MARCHF8: variants seen among roughly 807,000 people sequenced by gnomAD.
MARCHF8 encodes the protein E3 ubiquitin-protein ligase MARCHF8.
Under a neutral mutation model 51.6 loss-of-function variants are expected in MARCHF8, and 40 were observed. The ratio of observed to expected loss-of-function variants is 0.77; its 90% CI spans 0.60 to 1.01. MARCHF8 has a LOEUF of 1.01. Ranked by LOEUF, MARCHF8 falls within the 50% of genes least tolerant of loss-of-function variation. The probability of loss-of-function intolerance (pLI) is 0.00; values close to 1 mark genes in which losing one functional copy is unlikely to be tolerated. For missense variants in MARCHF8, 685 were observed against 708.6 expected (o/e 0.97, Z 0.38); for synonymous variants, 263 against 280.3 (o/e 0.94, Z 0.62).
chr10:45,575,147 A>T (rs1450210237), intron 1 of MARCHF8, among the ~76,000 whole-genome samples: 1 of 152,172 alleles, frequency 6.6e-6, no homozygotes, highest in Non-Finnish European at 1.5e-5. Context: ...AAGGTAGCTA[A>T]AAAAGCAGCC....
intron 1 of MARCHF8, among the ~76,000 whole-genome samples, chr10:45,540,736 AC>A (rs1295308870): frequency 6.6e-6 from 1 of 152,058 alleles, no homozygotes; most frequent in African/African-American, 2.4e-5. Context: ...AAAACAAACA[AC>A]CCCATCAAAA....
chr10:45,459,546 T>C (rs900135390), intron 6 of MARCHF8, among the ~76,000 whole-genome samples: 1 of 152,232 alleles, frequency 6.6e-6, no homozygotes, highest in Non-Finnish European at 1.5e-5. Flanking sequence ...AGACATAAGA[T>C]GGCCTGATAA....
chr10:45,510,130 C>T (rs1478834180), intron 2 of MARCHF8, among the ~76,000 whole-genome samples: 1 of 152,106 alleles, frequency 6.6e-6, no homozygotes, highest in Non-Finnish European at 1.5e-5. Context: ...ATTCAGCTTA[C>T]AGATGCTTTC....
At chr10:45,554,911 C>T (rs1044670752) in intron 1 of MARCHF8, among the ~76,000 whole-genome samples, 6 of 152,060 alleles carry the variant, frequency 3.9e-5, no homozygotes, top group Admixed American at 1.3e-4. Context: ...AAAAATTAGC[C>T]AGGCGTAGTG....
At chr10:45,540,388 C>T (rs537406559) in intron 1 of MARCHF8, among the ~76,000 whole-genome samples, 10 of 152,222 alleles carry the variant, frequency 6.6e-5, no homozygotes, top group African/African-American at 2.2e-4. Flanking sequence ...ACAGAGCCCT[C>T]AGAAATAATG....
At chr10:45,541,385 A>G (rs929559167) in intron 1 of MARCHF8, among the ~76,000 whole-genome samples, 3 of 152,172 alleles carry the variant, frequency 2.0e-5, no homozygotes, top group Non-Finnish European at 4.4e-5. Context: ...ACACATGGAC[A>G]CAGGAAGCGG....
At position 45,533,296 on chromosome 10, in the gene MARCHF8, G is replaced by C; in HGVS notation, c.-78-7C>G. On this transcript the variant is annotated splice_region_variant and splice_polypyrimidine_tract_variant and intron_variant, in intron 1 of 7. Transcript: ENST00000453424. Reference sequence around the variant, plus strand: ...TTGGGCCATGGATTTCAAGCTGAGAGAAAATGAAGAGAGAATAAACATAAC... The same window carrying C: ...TTGGGCCATGGATTTCAAGCTGAGACAAAATGAAGAGAGAATAAACATAAC... The C allele has an allele frequency of 1.4e-6, 2 of 1,449,376 alleles. No homozygotes were observed. Among genetic ancestry groups the C allele is most frequent in the Non-Finnish European group, 9.1e-7 (1 of 1,099,876 alleles). The allele number at this position is 1,449,376 out of a possible 1,614,324, so 89.8% of individuals were successfully genotyped here. A position where few individuals can be genotyped will look rare whatever the true frequency, so the allele number is the denominator to read the frequency against.
At position 45,533,197 on chromosome 10, in the gene MARCHF8, C is replaced by T; in HGVS notation, c.15G>A (p.Leu5=). 6.2e-7 allele frequency: 1 copy of T among 1,610,566 alleles called. No individual in the cohort carries two copies. The highest frequency in any genetic ancestry group is 8.5e-7 in the Non-Finnish European group (1 of 1,178,494). The part of the protein sequence containing the change: MSMP[L]HQISAIPSQD... ...GGGATGGAATGGCAGAGATCTGATG[C>T]AGTGGCATGCTCATCCCAACCTCTT... The change falls in exon 2 of 8, where the codon CTG becomes CTA. Residue 5 remains leucine (L), a synonymous_variant. Transcript: ENST00000453424.
At position 45,535,214 on chromosome 10, in the gene MARCHF8, G is replaced by A. The variant is rs184358661; in HGVS notation, c.-82C>T. 3 of 152,324 alleles carry A rather than the reference G, an allele frequency of 2.0e-5. No homozygotes were observed. The highest frequency in any genetic ancestry group is 3.9e-4 in the East Asian group (2 of 5,180). The allele number at this position is 152,324 out of a possible 1,614,324, so 9.4% of individuals were successfully genotyped here. ...ACACAAAACAAGAGGCACTTACTGC[G>A]GAGCTGCCTTATACTCCCTGGGAGA... On this transcript the variant is annotated 5_prime_UTR_variant, in exon 1 of 8. Transcript: ENST00000453424.
chr10:45,506,631 A>C (rs183300088), intron 2 of MARCHF8, among the ~76,000 whole-genome samples: 123 of 152,366 alleles, frequency 8.1e-4, no homozygotes, highest in Middle Eastern at 3.4e-3. Context: ...AAGACTGAAT[A>C]TTGAGACATT....
intron 3 of MARCHF8, among the ~76,000 whole-genome samples, chr10:45,473,468 T>C (rs1415305637): frequency 6.6e-6 from 1 of 152,212 alleles, no homozygotes; most frequent in Non-Finnish European, 1.5e-5. Flanking sequence ...CTGCCAATCA[T>C]GAACTTGCTC....
chr10:45,589,540 C>T (rs762641706), intron 1 of MARCHF8, among the ~76,000 whole-genome samples: 1 of 152,182 alleles, frequency 6.6e-6, no homozygotes, highest in Admixed American at 6.5e-5. Context: ...AAACCTAGTC[C>T]TCTTTAGCTG....
chr10:45,538,927 A>G (rs529816454), upstream of MARCHF8, among the ~76,000 whole-genome samples: 5 of 152,336 alleles, frequency 3.3e-5, no homozygotes, highest in South Asian at 1.0e-3. Flanking sequence ...AAAGTTAACA[A>G]GGATATCCAG....
chr10:45,529,752 C>T (rs2043847479), intron 2 of MARCHF8, among the ~76,000 whole-genome samples: 2 of 152,272 alleles, frequency 1.3e-5, no homozygotes, highest in African/African-American at 4.8e-5. Flanking sequence ...TCACACCAGT[C>T]AGAATGGCTA....
intron 2 of MARCHF8, among the ~76,000 whole-genome samples, chr10:45,514,183 A>G (rs2043581656): frequency 6.6e-6 from 1 of 152,286 alleles, no homozygotes; most frequent in Admixed American, 6.5e-5. Flanking sequence ...AAATGAAATT[A>G]AAATTAAACT....
intron 1 of MARCHF8, 133 bp from the exon 2 acceptor site, chr10:45,533,422 T>C: frequency 2.2e-6 from 1 of 451,506 alleles, no homozygotes. Flanking sequence ...TGTTTGGTCT[T>C]CAAAAACAAT....
chr10:45,561,241 A>G (rs1448009873), intron 1 of MARCHF8, among the ~76,000 whole-genome samples: 1 of 152,070 alleles, frequency 6.6e-6, no homozygotes, highest in Non-Finnish European at 1.5e-5. Context: ...TACTGCCTTC[A>G]CTATCATTTC....
At chr10:45,585,345 G>A (rs191111056) in intron 1 of MARCHF8, among the ~76,000 whole-genome samples, 1 of 152,220 alleles carries the variant, frequency 6.6e-6, no homozygotes, top group East Asian at 1.9e-4. Context: ...TCATTCATCA[G>A]TACTACAAAG....
intron 1 of MARCHF8, among the ~76,000 whole-genome samples, chr10:45,568,463 G>A (rs12776336): frequency 0.031 from 4,775 of 152,160 alleles, 174 homozygotes; most frequent in African/African-American, 0.087. Flanking sequence ...GCTCACACCC[G>A]TAATCTCAGC....
Sources: gnomAD v4.1 joint callset for allele counts (sites outside exome capture counted in the v4.1 genomes callset) on GRCh38, gnomAD v4.1.1 for gene constraint, MANE v1.5 for transcripts, NCBI Gene and HGNC (gene_info 2026-07-23, HGNC 2026-07-21) for gene names.